The following CABIN1 variants were observed in gnomAD, a reference collection of about 807,000 sequenced individuals.
CABIN1 encodes calcineurin binding protein 1.
Under a neutral mutation model 227.7 loss-of-function variants are expected in CABIN1, and 133 were observed. The ratio of observed to expected loss-of-function variants is 0.58; its 90% CI spans 0.51 to 0.67. CABIN1 has a LOEUF of 0.67. CABIN1 is among the 30% of genes least tolerant of loss of function. The probability of loss-of-function intolerance (pLI) is 0.00; values close to 1 mark genes in which losing one functional copy is unlikely to be tolerated. For synonymous variants in CABIN1, 1,086 were observed against 1,155.1 expected (o/e 0.94, Z 1.21); for missense variants, 2,408 against 2,852.5 (o/e 0.84, Z 3.55).
At chr22:24,067,275 A>G in intron 16 of CABIN1, 94 bp downstream of exon 16, 1 of 1,282,918 alleles carries the variant, frequency 7.8e-7, no homozygotes, top group Non-Finnish European at 1.1e-6. Context: ...GTTCTTAAGA[A>G]TGTATAGCTA....
chr22:24,083,228 G>A lies in CABIN1; in HGVS notation c.2749G>A (p.Val917Met). The change falls in exon 20 of 37, where the codon GTG (valine) becomes ATG (methionine). Residue 917 changes from valine to methionine, a missense_variant and splice_region_variant. This residue lies in a region of CABIN1 where 1,045 missense variants were observed against 1,168.4 expected (regional missense o/e 0.89). Transcript: ENST00000263119. ...NSDGALLRFY[V>M]RVLQKELAAS... is the part of the protein sequence containing the mutation. ...AGGCCATCTCTTCTGCCCACCACAGGTGCGAGTACTCCAGAAGGAACTGGC... is the reference window on the plus strand; with the variant it reads ...AGGCCATCTCTTCTGCCCACCACAGATGCGAGTACTCCAGAAGGAACTGGC... The A allele has an allele frequency of 2.5e-6, 4 of 1,612,192 alleles. No homozygotes were observed. Among genetic ancestry groups the A allele is most frequent in the Non-Finnish European group, 3.4e-6 (4 of 1,179,982 alleles).
intron 28 of CABIN1, among the ~76,000 whole-genome samples, chr22:24,121,259 CACTTCACAGAATTCTGTTTGGGGG>C (rs1044059227): frequency 5.6e-4 from 86 of 152,342 alleles, no homozygotes; most frequent in Non-Finnish European, 1.9e-4. Context: ...CAGGAAGTGG[CACTTCACAGAATTCTGTTTGGGGG>C]ACTAGATACA....
At chr22:24,136,739 G>GCGCACA (rs1555977754) in intron 29 of CABIN1, among the ~76,000 whole-genome samples, 9 of 139,654 alleles carry the variant, frequency 6.4e-5, no homozygotes, top group African/African-American at 2.1e-4. Context: ...ACACACACAC[G>GCGCACA]CACACACACA....
At chr22:24,115,919 A>C (rs2043058176) in intron 27 of CABIN1, among the ~76,000 whole-genome samples, 1 of 152,206 alleles carries the variant, frequency 6.6e-6, no homozygotes, top group Non-Finnish European at 1.5e-5. Context: ...AGGGCACAAC[A>C]GGTCCAGATC....
intron 4 of CABIN1, among the ~76,000 whole-genome samples, chr22:24,038,832 G>C (rs2037131439): frequency 6.6e-6 from 1 of 152,224 alleles, no homozygotes; most frequent in Non-Finnish European, 1.5e-5. Context: ...TTCGAACCAG[G>C]TTTGGAGTCC....
At chr22:24,166,350 T>C (rs1478889764) in intron 31 of CABIN1, among the ~76,000 whole-genome samples, 1 of 152,212 alleles carries the variant, frequency 6.6e-6, no homozygotes, top group Admixed American at 6.5e-5. Context: ...AGCCCAGGCC[T>C]GTTATTCAGG....
chr22:24,085,277 A>T (rs781355289), intron 22 of CABIN1, 126 bp downstream of exon 22: 12 of 1,021,594 alleles, frequency 1.2e-5, no homozygotes, highest in Admixed American at 2.0e-5. Context: ...GGGAAAACGG[A>T]ATGAGAGGGT....
intron 1 of CABIN1, among the ~76,000 whole-genome samples, chr22:24,030,893 A>C (rs2036445385): frequency 6.6e-6 from 1 of 152,292 alleles, no homozygotes; most frequent in South Asian, 2.1e-4. Context: ...TGCACCTACC[A>C]TAGTCCTGGA....
At chr22:24,075,251 C>A (rs895601074) in intron 18 of CABIN1, among the ~76,000 whole-genome samples, 1 of 152,084 alleles carries the variant, frequency 6.6e-6, no homozygotes, top group African/African-American at 2.4e-5. Flanking sequence ...AAAGTTATTA[C>A]TAGTGGCTTC....
intron 27 of CABIN1, 86 bp downstream of exon 27, chr22:24,113,834 CCTTGGCTGGG>C: frequency 1.4e-6 from 2 of 1,468,946 alleles, no homozygotes; most frequent in Non-Finnish European, 1.9e-6. Flanking sequence ...GGCCCAGGGA[CCTTGGCTGGG>C]CAAGTCACTT....
At chr22:24,098,626 C>T (rs1373784284) in intron 26 of CABIN1, among the ~76,000 whole-genome samples, 2 of 152,060 alleles carry the variant, frequency 1.3e-5, no homozygotes, top group Non-Finnish European at 1.5e-5. Context: ...GAGGGAAGGC[C>T]GTGACTAGTT....
At chr22:24,122,665 G>A (rs766845814) in intron 28 of CABIN1, among the ~76,000 whole-genome samples, 6 of 151,726 alleles carry the variant, frequency 4.0e-5, no homozygotes, top group Non-Finnish European at 7.4e-5. Flanking sequence ...CCGAGATCAC[G>A]TCATTTCACT....
At position 24,166,621 on chromosome 22, in the gene CABIN1, C is replaced by A. The variant is rs757741495; in HGVS notation, c.5008-18C>A. On this transcript the variant is annotated intron_variant, in intron 31 of 36. Transcript: ENST00000263119. Reference sequence around the variant, plus strand: ...GAGACACCAGCGACACAGCTTCTTACCTTTGGTTTCTTTGTAGGGGTCAGA... The same window carrying A: ...GAGACACCAGCGACACAGCTTCTTAACTTTGGTTTCTTTGTAGGGGTCAGA... 10 of 1,612,688 alleles carry A rather than the reference C, an allele frequency of 6.2e-6. No homozygotes were observed. The East Asian group carries it at 2.2e-4, about 36-fold the overall frequency.
In CABIN1 at chr22:24,042,987, T is replaced by TCG; in HGVS notation, c.431_432dup (p.His145AlafsTer21). 6.2e-7 allele frequency: 1 copy of TCG among 1,613,956 alleles called. No homozygotes were observed. Among genetic ancestry groups the TCG allele is most frequent in the Non-Finnish European group, 8.5e-7 (1 of 1,179,978 alleles). On this transcript the variant is annotated frameshift_variant, in exon 6 of 37. Transcript: ENST00000263119. LOFTEE classifies it high-confidence loss of function. ...TGAGGCTCATCCGGATCCCCCTGGC[T>TCG]CGCCATGCTTTTGAGGAAGGGCTGC...
chr22:24,042,522 A>C (rs1478100087), intron 5 of CABIN1, among the ~76,000 whole-genome samples: 1 of 152,206 alleles, frequency 6.6e-6, no homozygotes, highest in Non-Finnish European at 1.5e-5. Context: ...TTGAGGATGC[A>C]GTGAGCTATG....
intron 29 of CABIN1, among the ~76,000 whole-genome samples, chr22:24,146,968 C>T (rs1437700384): frequency 6.6e-6 from 1 of 152,208 alleles, no homozygotes; most frequent in Non-Finnish European, 1.5e-5. Context: ...AACCCATGTC[C>T]CTTGGGCCAG....
At chr22:24,135,518 A>G (rs990347848) in intron 29 of CABIN1, among the ~76,000 whole-genome samples, 2 of 152,084 alleles carry the variant, frequency 1.3e-5, no homozygotes, top group African/African-American at 4.8e-5. Flanking sequence ...CTCTCATCCC[A>G]AAGGCCTACA....
chr22:24,163,912 C>A (rs903775158), intron 29 of CABIN1, among the ~76,000 whole-genome samples: 1 of 152,190 alleles, frequency 6.6e-6, no homozygotes, highest in Non-Finnish European at 1.5e-5. Context: ...CCCAGGCATC[C>A]CAGGAGCTGC....
chr22:24,028,906 C>T (rs1043174886), intron 1 of CABIN1, among the ~76,000 whole-genome samples: 3 of 152,122 alleles, frequency 2.0e-5, no homozygotes, highest in African/African-American at 7.2e-5. Context: ...GGGACAGACC[C>T]AGAGGCAGGG....
Sources: gnomAD v4.1 joint callset for allele counts (sites outside exome capture counted in the v4.1 genomes callset) on GRCh38, gnomAD v4.1.1 for gene constraint, gnomAD v4.1.1 regional missense constraint, MANE v1.5 for transcripts, NCBI Gene and HGNC (gene_info 2026-07-23, HGNC 2026-07-21) for gene names.